LRMDA: variants seen among roughly 807,000 people sequenced by gnomAD.
LRMDA encodes leucine-rich melanocyte differentiation-associated protein.
LRMDA carries 18 observed loss-of-function variants against 29.8 expected under a neutral mutation model. That is an observed-to-expected ratio of 0.60 (90% CI 0.42 to 0.90). The LOEUF is 0.90. Ranked by LOEUF, LRMDA falls within the 40% of genes least tolerant of loss-of-function variation. LRMDA has a pLI of 0.00. For synonymous variants in LRMDA, 125 were observed against 109.4 expected, an observed-to-expected ratio of 1.14 and a Z score of -0.89; for missense variants, 273 against 273.9, an observed-to-expected ratio of 1.00 and a Z score of 0.02.
intron 2 of LRMDA, among the ~76,000 whole-genome samples, chr10:75,941,430 C>CTATAAAGCTTTTATCACCA (rs1846389723): frequency 6.6e-6 from 1 of 152,156 alleles, no homozygotes; most frequent in Non-Finnish European, 1.5e-5. Context: ...GGAGGGGTGG[C>CTATAAAGCTTTTATCACCA]TATAAAGCTT....
intron 4 of LRMDA, among the ~76,000 whole-genome samples, chr10:76,055,535 G>T (rs1335077239): frequency 6.6e-6 from 1 of 152,222 alleles, no homozygotes; most frequent in East Asian, 1.9e-4. Flanking sequence ...GGCCTGCTGA[G>T]CTTGTTCCAC....
intron 5 of LRMDA, among the ~76,000 whole-genome samples, chr10:76,130,046 G>C (rs1482534576): frequency 6.6e-6 from 1 of 151,562 alleles, no homozygotes; most frequent in Non-Finnish European, 1.5e-5. Flanking sequence ...TACCTGGCAT[G>C]TAGTAAGCCC....
At chr10:75,605,423 G>C (rs1164053121) in intron 2 of LRMDA, among the ~76,000 whole-genome samples, 1 of 152,200 alleles carries the variant, frequency 6.6e-6, no homozygotes, top group Non-Finnish European at 1.5e-5. Context: ...TTTGCCCCAA[G>C]CAGAGAATCG....
At chr10:75,686,416 C>T (rs76305532) in intron 2 of LRMDA, among the ~76,000 whole-genome samples, 163 of 152,322 alleles carry the variant, frequency 1.1e-3, no homozygotes, top group African/African-American at 3.6e-3. Context: ...ATATTATCCT[C>T]GTGTTTTCTC....
intron 6 of LRMDA, among the ~76,000 whole-genome samples, chr10:76,426,307 G>T (rs919468833): frequency 1.3e-5 from 2 of 152,196 alleles, no homozygotes; most frequent in Non-Finnish European, 2.9e-5. Flanking sequence ...ACTGGTGTGA[G>T]ATGATATCTC....
intron 5 of LRMDA, among the ~76,000 whole-genome samples, chr10:76,263,731 T>C (rs943248574): frequency 2.0e-5 from 3 of 152,202 alleles, no homozygotes; most frequent in African/African-American, 7.2e-5. Flanking sequence ...GGTAAAATGT[T>C]GAACATGCAT....
intron 6 of LRMDA, among the ~76,000 whole-genome samples, chr10:76,411,911 C>T (rs1401080490): frequency 6.6e-6 from 1 of 152,292 alleles, no homozygotes; most frequent in South Asian, 2.1e-4. Flanking sequence ...CAGATGGAGG[C>T]GCTGGCCTTC....
chr10:76,133,666 C>T (rs922926216), intron 5 of LRMDA, among the ~76,000 whole-genome samples: 4 of 152,246 alleles, frequency 2.6e-5, no homozygotes, highest in Non-Finnish European at 4.4e-5. Flanking sequence ...ATTCTTCCCT[C>T]CTCTCACCTG....
chr10:75,916,190 GTGT>G (rs1564605855), intron 2 of LRMDA, among the ~76,000 whole-genome samples: 5,808 of 112,730 alleles, frequency 0.052, 180 homozygotes, highest in Middle Eastern at 0.2. Context: ...GTGTGTGTGT[GTGT>G]GTGGGTGGGT....
At chr10:76,383,632 T>A (rs1315545260) in intron 6 of LRMDA, among the ~76,000 whole-genome samples, 1 of 149,818 alleles carries the variant, frequency 6.7e-6, no homozygotes, top group African/African-American at 2.5e-5. Flanking sequence ...GGGTTTCACC[T>A]TGTTAGCCAG....
At chr10:75,791,076 A>AGG (rs1843557351) in intron 2 of LRMDA, among the ~76,000 whole-genome samples, 1 of 152,182 alleles carries the variant, frequency 6.6e-6, no homozygotes, top group Admixed American at 6.5e-5. Context: ...CAGTGTGGGG[A>AGG]CAGAGCATCC....
intron 2 of LRMDA, among the ~76,000 whole-genome samples, chr10:75,520,363 G>T (rs1845342041): frequency 6.6e-6 from 1 of 152,086 alleles, no homozygotes; most frequent in Non-Finnish European, 1.5e-5. Context: ...TTTTTTGGAG[G>T]CTTTGTTTGT....
intron 6 of LRMDA, among the ~76,000 whole-genome samples, chr10:76,434,214 T>G (rs1198063541): frequency 6.6e-6 from 1 of 152,144 alleles, no homozygotes; most frequent in Non-Finnish European, 1.5e-5. Flanking sequence ...ATGTCCTGAT[T>G]ATAGTGAACC....
intron 2 of LRMDA, among the ~76,000 whole-genome samples, chr10:75,968,643 G>T (rs1270186223): frequency 2.0e-5 from 3 of 152,194 alleles, no homozygotes; most frequent in African/African-American, 7.2e-5. Context: ...AATGTGCAGG[G>T]ATAAGTCAGC....
intron 2 of LRMDA, among the ~76,000 whole-genome samples, chr10:75,627,306 A>G (rs1841263380): frequency 6.6e-6 from 1 of 152,242 alleles, no homozygotes; most frequent in South Asian, 2.1e-4. Context: ...TCCTGAACAA[A>G]GTGGGAAGCA....
intron 2 of LRMDA, among the ~76,000 whole-genome samples, chr10:75,728,030 T>C (rs1005246969): frequency 3.3e-5 from 5 of 152,216 alleles, no homozygotes; most frequent in Non-Finnish European, 7.3e-5. Flanking sequence ...GAATTATTCA[T>C]TATTTCATTT....
chr10:75,570,419 A>G (rs898585996), intron 2 of LRMDA, among the ~76,000 whole-genome samples: 1 of 152,136 alleles, frequency 6.6e-6, no homozygotes, highest in Non-Finnish European at 1.5e-5. Context: ...TATGAGATTC[A>G]TATTCTTTTC....
chr10:75,713,317 G>T (rs1472648526), intron 2 of LRMDA, among the ~76,000 whole-genome samples: 1 of 152,160 alleles, frequency 6.6e-6, no homozygotes, highest in Non-Finnish European at 1.5e-5. Context: ...TTATTTCAGA[G>T]AATAAGAGTC....
At chr10:76,259,403 G>A (rs1372832945) in intron 5 of LRMDA, among the ~76,000 whole-genome samples, 3 of 151,874 alleles carry the variant, frequency 2.0e-5, no homozygotes, top group Non-Finnish European at 4.4e-5. Flanking sequence ...TTGACTTCTA[G>A]TTTTATTCTA....
Sources: gnomAD v4.1 joint callset for allele counts (sites outside exome capture counted in the v4.1 genomes callset) on GRCh38, gnomAD v4.1.1 for gene constraint, MANE v1.5 for transcripts, NCBI Gene and HGNC (gene_info 2026-07-23, HGNC 2026-07-21) for gene names.